SLC22A4: variants seen among roughly 807,000 people sequenced by gnomAD.
SLC22A4 encodes ET transporter.
In SLC22A4, 39 loss-of-function variants were observed where a neutral mutation model predicts 56.6. The ratio of observed to expected loss-of-function variants is 0.69; its 90% CI spans 0.53 to 0.90. The LOEUF is 0.90. Among genes scored for constraint, SLC22A4 ranks in the 40% least tolerant of loss-of-function variants. The pLI is 0.00. For synonymous variants in SLC22A4, 241 were observed against 281.4 expected (o/e 0.86, Z 1.44); for missense variants, 594 against 696.5 (o/e 0.85, Z 1.66).
chr5:132,304,923 A>G (rs1465988825), intron 1 of SLC22A4, among the ~76,000 whole-genome samples: 1 of 152,204 alleles, frequency 6.6e-6, no homozygotes, highest in Non-Finnish European at 1.5e-5. Flanking sequence ...AGAGAATAGC[A>G]ATAAAGAGAG....
intron 1 of SLC22A4, among the ~76,000 whole-genome samples, chr5:132,310,092 C>T (rs1180177846): frequency 6.6e-6 from 1 of 152,228 alleles, no homozygotes; most frequent in Non-Finnish European, 1.5e-5. Flanking sequence ...GTATCACATT[C>T]CTTGAAGAAG....
At chr5:132,315,951 G>T (rs1262448363) in intron 3 of SLC22A4, among the ~76,000 whole-genome samples, 2 of 152,232 alleles carry the variant, frequency 1.3e-5, no homozygotes, top group Admixed American at 6.5e-5. Flanking sequence ...AGCACCTGGG[G>T]TTGGGGGACA....
intron 4 of SLC22A4, chr5:132,324,439 A>G (rs942838705): frequency 2.4e-5 from 11 of 465,586 alleles, no homozygotes; most frequent in Non-Finnish European, 4.4e-5. Flanking sequence ...CCCTAAGGAG[A>G]GCTTTTTCTT....
chr5:132,310,046 G>A (rs1331155723), intron 1 of SLC22A4, among the ~76,000 whole-genome samples: 10 of 152,250 alleles, frequency 6.6e-5, no homozygotes, highest in African/African-American at 7.2e-5. Flanking sequence ...CTGTGATGGA[G>A]GCCTTCTACT....
rs1297670575 is a variant in SLC22A4, at chr5:132,328,911, A to G, written c.951+1508A>G. Among the ~76,000 whole-genome samples the G allele has an allele frequency of 5.4e-3, 322 of 60,062 alleles. 2 individuals are homozygous for G. Among genetic ancestry groups the G allele is most frequent in the African/African-American group, 0.03 (304 of 10,208 alleles). 39.4% of individuals were successfully genotyped at this position (60,062 alleles called of 152,430 possible). A position where few individuals can be genotyped will look rare whatever the true frequency, so the allele number is the denominator to read the frequency against. ...TATATATGTGTGTATGTGTATATATATATATATATATATATATATACACAC... is the reference window on the plus strand; with the variant it reads ...TATATATGTGTGTATGTGTATATATGTATATATATATATATATATACACAC... On this transcript the variant is annotated intron_variant, in intron 5 of 9. Coordinates refer to ENST00000200652, the MANE Select transcript of SLC22A4 (RefSeq NM_003059.3).
chr5:132,312,344 G>T, intron 2 of SLC22A4, 80 bp downstream of exon 2: 1 of 943,122 alleles, frequency 1.1e-6, no homozygotes, highest in Non-Finnish European at 1.8e-6. Context: ...CTGAATTCAG[G>T]GTATTTCTAC....
At chr5:132,313,164 A>G (rs1750233617) in intron 2 of SLC22A4, among the ~76,000 whole-genome samples, 1 of 152,090 alleles carries the variant, frequency 6.6e-6, no homozygotes, top group Admixed American at 6.6e-5. Context: ...TGGCATCAGT[A>G]TTTTTTCCAA....
intron 2 of SLC22A4, 57 bp downstream of exon 2, chr5:132,312,321 T>C (rs1188418994): frequency 9.4e-7 from 1 of 1,067,116 alleles, no homozygotes; most frequent in Non-Finnish European, 1.5e-6. Context: ...TCACTGCCTA[T>C]CTTGGGGCTG....
intron 4 of SLC22A4, among the ~76,000 whole-genome samples, chr5:132,326,371 C>G (rs1486391044): frequency 1.3e-5 from 2 of 152,226 alleles, no homozygotes; most frequent in Non-Finnish European, 2.9e-5. Context: ...TTATTAAATA[C>G]TGTACTGAAA....
At chr5:132,331,415 T>C (rs1003787175) in intron 5 of SLC22A4, among the ~76,000 whole-genome samples, 7 of 152,090 alleles carry the variant, frequency 4.6e-5, no homozygotes, top group East Asian at 1.9e-4. Context: ...TACCCTTCAA[T>C]AGGCAGTCCT....
At position 132,294,992 on chromosome 5, in the gene SLC22A4, T is replaced by A; in HGVS notation, c.376T>A (p.Ser126Thr). ...GWEFSQDVYL[S>T]TVVTEWNLVC... Reference sequence around the variant, plus strand: ...GGAGTTCAGCCAGGACGTCTACCTGTCCACCGTCGTGACCGAGGTGGGTGC... The same window carrying A: ...GGAGTTCAGCCAGGACGTCTACCTGACCACCGTCGTGACCGAGGTGGGTGC... The change falls in exon 1 of 10, where the codon TCC (serine) becomes ACC (threonine). Residue 126 changes from serine (S) to threonine (T), a missense_variant. Ser to Thr is a moderately conservative substitution (Grantham distance 58). Transcript: ENST00000200652. The surrounding 1 kb of genome is among the most constrained non-coding windows in gnomAD (Gnocchi z 5.6). The A allele has an allele frequency of 6.2e-7, 1 of 1,607,104 alleles. No homozygotes were observed. Among genetic ancestry groups the A allele is most frequent in the Non-Finnish European group, 8.5e-7 (1 of 1,177,496 alleles).
chr5:132,294,894 C>G lies in SLC22A4; in HGVS notation c.278C>G (p.Ser93Trp). 6.3e-7 allele frequency: 1 copy of G among 1,596,794 alleles called. No homozygotes were observed. The highest frequency in any genetic ancestry group is 8.5e-7 in the Non-Finnish European group (1 of 1,172,906). ...CGGCTCGCCACCATCGCCAACTTCT[C>G]GGCGCTCGGGCTGGAGCCGGGGCGC... Reference protein sequence around the residue: ...RYRLATIANFSALGLEPGRDV... With the variant: ...RYRLATIANFWALGLEPGRDV... Residue 93 changes from serine to tryptophan, a missense_variant, in exon 1 of 10, where the codon TCG becomes TGG. Ser to Trp is a radical substitution (Grantham distance 177). Transcript: ENST00000200652. The surrounding 1 kb of genome is among the most constrained non-coding windows in gnomAD (Gnocchi z 5.6).
rs1750257666 is a variant in SLC22A4, at chr5:132,313,858, T to C, written c.652+90T>C. On this transcript the variant is annotated intron_variant, in intron 3 of 9. Coordinates refer to ENST00000200652, the MANE Select transcript of SLC22A4 (RefSeq NM_003059.3). ...AATCATTGGGCCATTGGGCTGTGCT[T>C]CCAAAGCCTTTGGATATATGTGTCT... 8.1e-6 allele frequency: 11 copies of C among 1,360,082 alleles called. No homozygotes were observed. In the East Asian group the frequency reaches 2.5e-4, roughly 31 times the overall value. 84.3% of individuals were successfully genotyped at this position (1,360,082 alleles called of 1,614,324 possible).
At chr5:132,310,166 G>A (rs1750146175) in intron 1 of SLC22A4, among the ~76,000 whole-genome samples, 1 of 152,206 alleles carries the variant, frequency 6.6e-6, no homozygotes, top group Admixed American at 6.5e-5. Context: ...TCCAAAGCAG[G>A]ACACTGGTAC....
intron 3 of SLC22A4, chr5:132,320,767 C>T (rs1275059153): frequency 6.6e-6 from 1 of 152,170 alleles, no homozygotes; most frequent in African/African-American, 2.4e-5. Context: ...GCTCTTAATC[C>T]CTTAGCCTGT....
chr5:132,294,757 G>C lies in SLC22A4; in HGVS notation c.141G>C (p.Glu47Asp), dbSNP rs750134122. Reference sequence around the variant, plus strand: ...TCGTGTTCCTGGCGGGGACCCCGGAGCACCGCTGTCGAGTGCCGGACGCCG... The same window carrying C: ...TCGTGTTCCTGGCGGGGACCCCGGACCACCGCTGTCGAGTGCCGGACGCCG... ...MSVVFLAGTP[E>D]HRCRVPDAAN... Residue 47 changes from glutamate (E) to aspartate (D), a missense_variant, in exon 1 of 10, where the codon GAG becomes GAC. Glu to Asp is a conservative substitution (Grantham distance 45, BLOSUM62 2). Coordinates refer to ENST00000200652, the MANE Select transcript of SLC22A4 (RefSeq NM_003059.3). The surrounding 1 kb of genome is among the most constrained non-coding windows in gnomAD (Gnocchi z 5.6). The C allele has an allele frequency of 6.2e-7, 1 of 1,613,802 alleles. No homozygotes were observed. The highest frequency in any genetic ancestry group is 2.2e-5 in the East Asian group (1 of 44,872).
At chr5:132,326,768 G>A (rs150351592) in intron 4 of SLC22A4, among the ~76,000 whole-genome samples, 3 of 152,324 alleles carry the variant, frequency 2.0e-5, no homozygotes, top group Non-Finnish European at 4.4e-5. Flanking sequence ...CCACACAGGC[G>A]GGTGTCAGTG....
chr5:132,312,213 T>C lies in SLC22A4; in HGVS notation c.446T>C (p.Phe149Ser). ...NWKVPLTTSL[F>S]FVGVLLGSFV... ...AAGGTGCCCCTCACCACCTCCCTGT[T>C]CTTCGTAGGCGTGCTCCTCGGCTCC... The change falls in exon 2 of 10, where the codon TTC (phenylalanine) becomes TCC (serine). Residue 149 changes from phenylalanine to serine, a missense_variant. Transcript: ENST00000200652. 6.2e-7 allele frequency: 1 copy of C among 1,614,022 alleles called. No individual in the cohort carries two copies.
chr5:132,297,488 T>C (rs1749806287), intron 1 of SLC22A4, among the ~76,000 whole-genome samples: 1 of 152,080 alleles, frequency 6.6e-6, no homozygotes, highest in South Asian at 2.1e-4. Context: ...CAGTTTTGAC[T>C]CCACTGCCAA....
Sources: gnomAD v4.1 joint callset for allele counts (sites outside exome capture counted in the v4.1 genomes callset) on GRCh38, gnomAD v4.1.1 for gene constraint, Gnocchi (gnomAD v3.1) non-coding constraint, MANE v1.5 for transcripts, NCBI Gene and HGNC (gene_info 2026-07-23, HGNC 2026-07-21) for gene names.